The following USP24 variants were observed in gnomAD, a reference collection of about 807,000 sequenced individuals.
The protein encoded by USP24 is ubiquitin carboxyl-terminal hydrolase 24.
A neutral mutation model predicts 361.6 loss-of-function variants in USP24; 97 were observed. That is an observed-to-expected ratio of 0.27 (90% confidence interval 0.23 to 0.32). USP24 has a LOEUF of 0.32. Ranked by LOEUF, USP24 falls within the 10% of genes least tolerant of loss-of-function variation. The pLI, the probability that USP24 is intolerant of heterozygous loss-of-function variation, is 1.00. For synonymous variants in USP24, 1,098 were observed against 1,124.6 expected, an observed-to-expected ratio of 0.98 and a Z score of 0.47; for missense variants, 2,353 against 3,165.6, an observed-to-expected ratio of 0.74 and a Z score of 6.16.
At chr1:55,078,351 T>G (rs371598595) in intron 61 of USP24, among the ~76,000 whole-genome samples, 187 bp downstream of exon 61, 3 of 152,064 alleles carry the variant, frequency 2.0e-5, no homozygotes, top group East Asian at 1.9e-4. Flanking sequence ...CCAAAGAGAG[T>G]GTAGTAATTA....
At chr1:55,110,912 A>T (rs1645930306) in intron 38 of USP24, among the ~76,000 whole-genome samples, 3 of 152,138 alleles carry the variant, frequency 2.0e-5, no homozygotes, top group Non-Finnish European at 4.4e-5. Context: ...GGAAATAAAA[A>T]ACATACGCAT....
rs55817205 is a variant in USP24 at position 55,143,383 on chromosome 1, G to T, written c.2440-264C>A. Among the ~76,000 whole-genome samples, 5 of 152,290 alleles carry T rather than the reference G, an allele frequency of 3.3e-5. No individual in the cohort carries two copies. The South Asian group carries it at 8.3e-4, about 25-fold the overall frequency. On this transcript the variant is annotated intron_variant, in intron 21 of 67. Coordinates refer to ENST00000294383, the MANE Select transcript of USP24 (RefSeq NM_015306.3). ...TTCAGACATCCCTAGACCCAAACTG[G>T]ACACACAGCCCAACAGGCTACTGAA...
chr1:55,166,628 G>C, intron 5 of USP24, 25 bp from the exon 6 acceptor site: 1 of 1,575,228 alleles, frequency 6.3e-7, no homozygotes, highest in Non-Finnish European at 8.6e-7. Flanking sequence ...AAACAAAATT[G>C]AGATGGCAAT....
chr1:55,156,552 T>C (rs1275328114), intron 12 of USP24, among the ~76,000 whole-genome samples: 1 of 151,506 alleles, frequency 6.6e-6, no homozygotes, highest in East Asian at 1.9e-4. Flanking sequence ...CCTAGTAAGA[T>C]GAGATCTACA....
At position 55,150,703 on chromosome 1, in the gene USP24, A is replaced by C. The variant is rs138854014; in HGVS notation, c.1861-2133T>G. ...CTTGTTATACAATAAAATTCAAAGA[A>C]AAAGTCTATAAAACTAAAATTTAAG... On this transcript the variant is annotated intron_variant, in intron 16 of 67. Transcript: ENST00000294383. Among the ~76,000 whole-genome samples, 61 of 152,362 alleles carry C rather than the reference A, an allele frequency of 4.0e-4. No individual in the cohort carries two copies. In the East Asian group the frequency reaches 7.3e-3, roughly 18 times the overall value.
At chr1:55,086,793 G>A (rs1645260637) in intron 55 of USP24, among the ~76,000 whole-genome samples, 1 of 152,188 alleles carries the variant, frequency 6.6e-6, no homozygotes, top group Non-Finnish European at 1.5e-5. Context: ...GCCTGCATGT[G>A]GGTATCCTGT....
intron 16 of USP24, among the ~76,000 whole-genome samples, chr1:55,151,733 G>C (rs1570553715): frequency 6.6e-6 from 1 of 152,088 alleles, no homozygotes; most frequent in Non-Finnish European, 1.5e-5. Flanking sequence ...CAAGGGAGCC[G>C]AGGGTACCCT....
At chr1:55,131,607 G>C (rs1189226986) in intron 31 of USP24, among the ~76,000 whole-genome samples, 1 of 152,134 alleles carries the variant, frequency 6.6e-6, no homozygotes. Flanking sequence ...GAAGCAGTAA[G>C]ATATTGCTTG....
chr1:55,122,650 G>A (rs1350645502), intron 36 of USP24, among the ~76,000 whole-genome samples: 1 of 152,136 alleles, frequency 6.6e-6, no homozygotes. Flanking sequence ...GTGTTAAGGG[G>A]TAGAATCTAG....
intron 54 of USP24, among the ~76,000 whole-genome samples, chr1:55,091,323 A>T (rs903712470): frequency 6.6e-6 from 1 of 152,082 alleles, no homozygotes; most frequent in Non-Finnish European, 1.5e-5. Flanking sequence ...CCCTATTGTG[A>T]ACTGCACACA....
rs1646965440 is a variant in USP24, at chr1:55,144,096, A to T, written c.2439+31T>A. 2.0e-6 allele frequency: 3 copies of T among 1,531,688 alleles called. No homozygotes were observed. In the East Asian group the frequency reaches 7.0e-5, roughly 36 times the overall value. 94.9% of individuals were successfully genotyped at this position (1,531,688 alleles called of 1,614,324 possible). ...ATATCAAGTTATACTAGATTATCCA[A>T]ACTATCTAGATTTGAGAATAACGTA... On this transcript the variant is annotated intron_variant, in intron 21 of 67. Transcript: ENST00000294383.
At chr1:55,157,108 T>C in intron 11 of USP24, 57 bp from the exon 12 acceptor site, 2 of 1,473,928 alleles carry the variant, frequency 1.4e-6, no homozygotes, top group Non-Finnish European at 1.9e-6. Flanking sequence ...ACTCTCTAAA[T>C]ATAATTCTAT....
intron 7 of USP24, among the ~76,000 whole-genome samples, chr1:55,164,416 T>C (rs527926396): frequency 6.6e-6 from 1 of 152,150 alleles, no homozygotes; most frequent in Non-Finnish European, 1.5e-5. Flanking sequence ...GTGATATTTT[T>C]TCCTAGTATT....
intron 1 of USP24, among the ~76,000 whole-genome samples, chr1:55,214,345 T>G (rs932833032): frequency 1.3e-4 from 20 of 152,102 alleles, no homozygotes; most frequent in African/African-American, 4.6e-4. Flanking sequence ...AATCCTTCAC[T>G]GAAACCTCGT....
At chr1:55,102,683 T>A (rs1470763964) in intron 42 of USP24, among the ~76,000 whole-genome samples, 3 of 151,362 alleles carry the variant, frequency 2.0e-5, no homozygotes, top group African/African-American at 7.3e-5. Flanking sequence ...GTCCAAAGCA[T>A]AGATTTAAAA....
intron 38 of USP24, among the ~76,000 whole-genome samples, chr1:55,111,125 C>A (rs1645937508): frequency 6.6e-6 from 1 of 151,818 alleles, no homozygotes; most frequent in African/African-American, 2.4e-5. Flanking sequence ...ATTATTATTA[C>A]CATACTATTT....
intron 1 of USP24, among the ~76,000 whole-genome samples, chr1:55,192,640 T>C (rs1644319244): frequency 6.6e-6 from 1 of 152,256 alleles, no homozygotes; most frequent in Non-Finnish European, 1.5e-5. Flanking sequence ...TACCTTTCAT[T>C]AAATATTGAG....
At chr1:55,111,226 C>G (rs546248154) in intron 38 of USP24, among the ~76,000 whole-genome samples, 2 of 151,566 alleles carry the variant, frequency 1.3e-5, no homozygotes, top group Non-Finnish European at 2.9e-5. Flanking sequence ...AGCTGTGAGA[C>G]GTAATTTTTT....
chr1:55,150,697 C>G (rs951886484), intron 16 of USP24, among the ~76,000 whole-genome samples: 2 of 152,010 alleles, frequency 1.3e-5, no homozygotes, highest in Non-Finnish European at 2.9e-5. Context: ...CAATAAAATT[C>G]AAAGAAAAAG....
Sources: gnomAD v4.1 joint callset for allele counts (sites outside exome capture counted in the v4.1 genomes callset) on GRCh38, gnomAD v4.1.1 for gene constraint, MANE v1.5 for transcripts, NCBI Gene and HGNC (gene_info 2026-07-23, HGNC 2026-07-21) for gene names.